The following ATE1 variants were observed in gnomAD, a reference collection of about 807,000 sequenced individuals.
ATE1 encodes arginyltransferase 1.
Under a neutral mutation model 70.5 loss-of-function variants are expected in ATE1, and 36 were observed. The ratio of observed to expected loss-of-function variants is 0.51; its 90% confidence interval spans 0.39 to 0.67. The LOEUF (loss-of-function observed/expected upper bound fraction) is 0.67. Among genes scored for constraint, ATE1 ranks in the 30% least tolerant of loss-of-function variants. ATE1 has a pLI of 0.00. For missense variants in ATE1, 593 were observed against 629.5 expected (o/e 0.94, Z 0.62); for synonymous variants, 232 against 219.3 (o/e 1.06, Z -0.51).
Position 121,881,851 on chromosome 10 carries a change from C to T in ATE1, c.943-11813G>A, listed in dbSNP as rs554651170. On this transcript the variant is annotated intron_variant, in intron 7 of 11. Coordinates refer to ENST00000224652, the MANE Select transcript of ATE1 (RefSeq NM_001001976.3). ...CTCTGTCACCTAGGCTGGAGTGCAG[C>T]GGCACGACCTCGGCTCACTGCAAAC... Among the ~76,000 whole-genome samples, 64 of 152,118 alleles carry T rather than the reference C, an allele frequency of 4.2e-4. No individual in the cohort carries two copies. The South Asian group carries it at 0.011, about 25-fold the overall frequency.
At chr10:121,822,998 G>T (rs1020112862) in intron 10 of ATE1, among the ~76,000 whole-genome samples, 1 of 152,092 alleles carries the variant, frequency 6.6e-6, no homozygotes, top group Non-Finnish European at 1.5e-5. Context: ...ACTTAAAAAT[G>T]AGAAGAGGTC....
intron 3 of ATE1, among the ~76,000 whole-genome samples, chr10:121,921,015 C>CTT (rs1564968902): frequency 6.6e-6 from 1 of 151,510 alleles, no homozygotes; most frequent in Non-Finnish European, 1.5e-5. Flanking sequence ...AAAAAAAAAA[C>CTT]TGGACTCTAA....
upstream of ATE1, chr10:121,928,114 C>T: frequency 1.6e-6 from 2 of 1,230,014 alleles, no homozygotes; most frequent in East Asian, 3.3e-5. Flanking sequence ...GAGCTGACGC[C>T]GCCCGCGCCA....
At chr10:121,916,748 T>G (rs1951676511) in intron 3 of ATE1, among the ~76,000 whole-genome samples, 1 of 151,470 alleles carries the variant, frequency 6.6e-6, no homozygotes, top group Admixed American at 6.6e-5. Context: ...GGCAGGAGAA[T>G]CACTTGAACC....
chr10:121,867,911 T>A (rs934259171), intron 8 of ATE1, among the ~76,000 whole-genome samples: 2 of 152,216 alleles, frequency 1.3e-5, no homozygotes, highest in Non-Finnish European at 2.9e-5. Context: ...ATTTAGATTG[T>A]TTACAATTTT....
rs999322704 is a variant in ATE1 at position 121,896,017 on chromosome 10, CTATAT to C, written c.942+3844_942+3848del. Among the ~76,000 whole-genome samples the C allele has an allele frequency of 9.9e-5, 15 of 151,738 alleles. No homozygotes were observed. The South Asian group carries it at 1.9e-3, about 19-fold the overall frequency. ...ACTGTAGTTATATATTTTTTGATGT[CTATAT>C]TAATAACTTTTAATCTAAGAATAGA... On this transcript the variant is annotated intron_variant, in intron 7 of 11. Coordinates refer to ENST00000224652, the MANE Select transcript of ATE1 (RefSeq NM_001001976.3).
At chr10:121,784,058 C>T (rs1281248648) in intron 11 of ATE1, among the ~76,000 whole-genome samples, 1 of 152,128 alleles carries the variant, frequency 6.6e-6, no homozygotes, top group African/African-American at 2.4e-5. Flanking sequence ...TTGCCTGGCA[C>T]TTGCTTTGAA....
At chr10:121,771,840 T>G (rs1468926285) in intron 11 of ATE1, among the ~76,000 whole-genome samples, 1 of 152,218 alleles carries the variant, frequency 6.6e-6, no homozygotes, top group African/African-American at 2.4e-5. Context: ...GCACGTGACA[T>G]TCATTTTACG....
At chr10:121,892,994 G>GTGGCC (rs1950633434) in intron 7 of ATE1, among the ~76,000 whole-genome samples, 1 of 152,062 alleles carries the variant, frequency 6.6e-6, no homozygotes, top group Admixed American at 6.5e-5. Flanking sequence ...AAAAGCAATT[G>GTGGCC]TAGGCCGGGC....
At chr10:121,870,079 C>CA (rs1949798443) in intron 7 of ATE1, 41 bp from the exon 8 acceptor site, 1 of 1,587,944 alleles carries the variant, frequency 6.3e-7, no homozygotes, top group Non-Finnish European at 8.6e-7. Flanking sequence ...ATCCAGTAAA[C>CA]AGACGGCAAA....
intron 3 of ATE1, among the ~76,000 whole-genome samples, chr10:121,920,554 T>C (rs1412610959): frequency 1.3e-5 from 2 of 150,542 alleles, no homozygotes; most frequent in African/African-American, 4.9e-5. Flanking sequence ...AAAAAGATGA[T>C]GATGACCTTA....
intron 7 of ATE1, among the ~76,000 whole-genome samples, chr10:121,889,509 T>C (rs1164171227): frequency 6.6e-6 from 1 of 152,150 alleles, no homozygotes; most frequent in Non-Finnish European, 1.5e-5. Flanking sequence ...TAAAAGCTAT[T>C]TTCTATTTTG....
rs1276992702 is a variant in ATE1, at chr10:121,878,646, T to C, written c.943-8608A>G. On this transcript the variant is annotated intron_variant, in intron 7 of 11. Coordinates refer to ENST00000224652, the MANE Select transcript of ATE1 (RefSeq NM_001001976.3). The stretch of plus-strand genomic sequence containing the variant: ...AATCAACAAGCTATACACCTAAGAT[T>C]TATGCACTTTACTACACTATAAACT... Among the ~76,000 whole-genome samples, 3 of 151,872 alleles carry C rather than the reference T, an allele frequency of 2.0e-5. No homozygotes were observed. In the East Asian group the frequency reaches 5.8e-4, roughly 29 times the overall value.
At chr10:121,745,934 T>A (rs1944352378) in intron 11 of ATE1, among the ~76,000 whole-genome samples, 1 of 152,162 alleles carries the variant, frequency 6.6e-6, no homozygotes. Flanking sequence ...GAAGATAGAC[T>A]GTTAAGTGAA....
chr10:121,914,068 G>T (rs1032541155), intron 3 of ATE1, among the ~76,000 whole-genome samples, 175 bp from the exon 4 acceptor site: 4 of 151,778 alleles, frequency 2.6e-5, no homozygotes, highest in African/African-American at 9.7e-5. Context: ...ATAGTTAAGA[G>T]ATTTTTTTTT....
At chr10:121,911,259 G>T in intron 4 of ATE1, 108 bp from the exon 5 acceptor site, 1 of 1,357,780 alleles carries the variant, frequency 7.4e-7, no homozygotes, top group African/African-American at 1.5e-5. Flanking sequence ...ATTACTATCT[G>T]TCCACCAAAT....
At chr10:121,860,139 G>A (rs910141696) in intron 8 of ATE1, among the ~76,000 whole-genome samples, 3 of 152,118 alleles carry the variant, frequency 2.0e-5, no homozygotes, top group African/African-American at 4.8e-5. Context: ...GCTATAATAC[G>A]TGTTGACATG....
At chr10:121,892,822 T>C (rs1950627326) in intron 7 of ATE1, among the ~76,000 whole-genome samples, 1 of 152,080 alleles carries the variant, frequency 6.6e-6, no homozygotes, top group African/African-American at 2.4e-5. Context: ...GCCTCAGTGG[T>C]AAACATTTTA....
At chr10:121,906,013 C>A (rs1265225760) in intron 5 of ATE1, among the ~76,000 whole-genome samples, 1 of 152,116 alleles carries the variant, frequency 6.6e-6, no homozygotes, top group Non-Finnish European at 1.5e-5. Flanking sequence ...CCTGATTAGT[C>A]CCAGGTGATT....
Sources: allele counts gnomAD v4.1 joint callset (sites outside exome capture counted in the v4.1 genomes callset), GRCh38; gene constraint gnomAD v4.1.1; transcripts MANE v1.5; gene names NCBI Gene and HGNC (gene_info 2026-07-23, HGNC 2026-07-21).